Variants in LARGE1 observed in about 807,000 individuals in gnomAD.
LARGE1 encodes xylosyl- and glucuronyltransferase LARGE1.
A neutral mutation model predicts 87.6 loss-of-function variants in LARGE1; 43 were observed. The ratio of observed to expected loss-of-function variants is 0.49; its 90% confidence interval spans 0.38 to 0.63. LARGE1 has a LOEUF of 0.63. Ranked by LOEUF, LARGE1 falls within the 30% of genes least tolerant of loss-of-function variation. LARGE1 has a pLI of 0.00. For missense variants in LARGE1, 802 were observed against 1,000.2 expected (o/e 0.80, Z 2.67); for synonymous variants, 434 against 394.6 (o/e 1.10, Z -1.18).
At chr22:33,322,271 T>C (rs1311568342) in intron 10 of LARGE1, among the ~76,000 whole-genome samples, 1 of 152,206 alleles carries the variant, frequency 6.6e-6, no homozygotes. Flanking sequence ...TTCTGAACCA[T>C]CTGAACCTAG....
chr22:33,653,198 C>T (rs764306138), intron 2 of LARGE1, among the ~76,000 whole-genome samples: 9 of 152,210 alleles, frequency 5.9e-5, no homozygotes, highest in Non-Finnish European at 1.0e-4. Context: ...ATCTGCACCA[C>T]GCTAGGTGGT....
chr22:33,551,300 G>A (rs1205578172), intron 6 of LARGE1, among the ~76,000 whole-genome samples: 1 of 152,198 alleles, frequency 6.6e-6, no homozygotes, highest in South Asian at 2.1e-4. Flanking sequence ...GTGATGAGCA[G>A]GCCACTGTGC....
chr22:33,183,778 C>T (rs751944231), intron 11 of LARGE1, among the ~76,000 whole-genome samples: 3 of 151,910 alleles, frequency 2.0e-5, no homozygotes, highest in Non-Finnish European at 2.9e-5. Context: ...GTATGAAAGA[C>T]GGGTTCTATT....
rs1263731548 is a variant in LARGE1, at chr22:33,272,640, T to G, written c.*1787A>C. Among the ~76,000 whole-genome samples the G allele has an allele frequency of 6.6e-6, 1 of 152,246 alleles. No homozygotes were observed. Among genetic ancestry groups the G allele is most frequent in the South Asian group, 2.1e-4 (1 of 4,832 alleles). On this transcript the variant is annotated 3_prime_UTR_variant, in exon 15 of 15. Transcript: ENST00000397394. ...ACATACATAAGCCTAGCTAGATCTA[T>G]GCAAAAATTAGTCCTAATGGTAATT...
the LARGE1 span, among the ~76,000 whole-genome samples, chr22:33,066,837 G>C: frequency 6.6e-6 from 1 of 152,138 alleles, no homozygotes; most frequent in Non-Finnish European, 1.5e-5. Flanking sequence ...AGAAGCACCT[G>C]GCTGGAAGTT....
chr22:33,314,366 G>C (rs1160027358), intron 11 of LARGE1, among the ~76,000 whole-genome samples: 1 of 152,126 alleles, frequency 6.6e-6, no homozygotes, highest in African/African-American at 2.4e-5. Context: ...GGGACTCACA[G>C]AGCAAGGAAT....
At chr22:33,096,628 G>A in the LARGE1 span, among the ~76,000 whole-genome samples, 2 of 148,650 alleles carry the variant, frequency 1.3e-5, no homozygotes, top group East Asian at 2.0e-4. Flanking sequence ...GCAGTGGCGC[G>A]ATCTCGGCTC....
intron 11 of LARGE1, among the ~76,000 whole-genome samples, chr22:33,260,270 A>G (rs1190316074): frequency 6.6e-6 from 1 of 152,220 alleles, no homozygotes; most frequent in East Asian, 1.9e-4. Flanking sequence ...CCTCTGGGGA[A>G]CGGTGCGTAA....
chr22:33,318,533 C>T (rs1194984633), intron 10 of LARGE1, among the ~76,000 whole-genome samples: 2 of 151,338 alleles, frequency 1.3e-5, no homozygotes, highest in African/African-American at 4.9e-5. Context: ...GGCTTGGTTC[C>T]AAGTCTTTGC....
intron 1 of LARGE1, among the ~76,000 whole-genome samples, chr22:33,808,305 G>A (rs1471756926): frequency 2.0e-5 from 3 of 152,058 alleles, no homozygotes; most frequent in Non-Finnish European, 4.4e-5. Flanking sequence ...TATTTTCTTT[G>A]GGGAGGTATC....
At chr22:33,462,070 G>C (rs1310393502) in intron 6 of LARGE1, among the ~76,000 whole-genome samples, 1 of 152,156 alleles carries the variant, frequency 6.6e-6, no homozygotes, top group Non-Finnish European at 1.5e-5. Flanking sequence ...TATTATTCAT[G>C]AATAGATAAC....
chr22:33,410,817 A>G (rs1418933863), intron 7 of LARGE1, among the ~76,000 whole-genome samples: 1 of 152,126 alleles, frequency 6.6e-6, no homozygotes, highest in Non-Finnish European at 1.5e-5. Flanking sequence ...AAAATCAACG[A>G]ACCTTGCTGA....
At chr22:33,376,282 T>C (rs2064989990) in intron 9 of LARGE1, among the ~76,000 whole-genome samples, 1 of 152,252 alleles carries the variant, frequency 6.6e-6, no homozygotes, top group African/African-American at 2.4e-5. Flanking sequence ...TTTCAAGTTC[T>C]TGTTATTTGC....
At chr22:33,596,655 G>A (rs1159835153) in intron 5 of LARGE1, among the ~76,000 whole-genome samples, 2 of 152,156 alleles carry the variant, frequency 1.3e-5, no homozygotes, top group African/African-American at 4.8e-5. Context: ...ATGACAGGTC[G>A]GCAGTCATTG....
rs566242098 is a variant in LARGE1 at position 33,719,589 on chromosome 22, C to T, written c.106+41782G>A. Among the ~76,000 whole-genome samples the T allele has an allele frequency of 1.1e-4, 16 of 151,920 alleles. No homozygotes were observed. The East Asian group carries it at 1.7e-3, about 17-fold the overall frequency. ...AGGCTGGAGTGTAGTGGCACAGTCT[C>T]GGCTCATTGCAACCTCCGCCTCCCA... is the stretch of plus-strand genomic sequence containing the variant. On this transcript the variant is annotated intron_variant, in intron 2 of 14. Transcript: ENST00000397394.
intron 3 of LARGE1, among the ~76,000 whole-genome samples, chr22:33,629,974 G>A (rs1316128171): frequency 6.6e-6 from 1 of 152,188 alleles, no homozygotes; most frequent in East Asian, 1.9e-4. Flanking sequence ...CGAGGCGGCG[G>A]ATCACCTGAG....
chr22:33,706,614 G>C (rs1246582866), intron 2 of LARGE1, among the ~76,000 whole-genome samples: 1 of 152,202 alleles, frequency 6.6e-6, no homozygotes, highest in East Asian at 1.9e-4. Context: ...GGGGATGGAA[G>C]AGGTTCTAGT....
chr22:33,115,556 G>A, the LARGE1 span, among the ~76,000 whole-genome samples: 3 of 152,106 alleles, frequency 2.0e-5, no homozygotes, highest in Non-Finnish European at 2.9e-5. Flanking sequence ...GGTGGCTCAT[G>A]CCTGTAATCC....
intron 5 of LARGE1, 138 bp downstream of exon 5, chr22:33,604,297 T>G: frequency 8.9e-7 from 1 of 1,124,832 alleles, no homozygotes; most frequent in Non-Finnish European, 1.3e-6. Flanking sequence ...CAGATTCTGC[T>G]GGCAAACAAC....
Sources: gnomAD v4.1 joint callset for allele counts (sites outside exome capture counted in the v4.1 genomes callset) on GRCh38, gnomAD v4.1.1 for gene constraint, MANE v1.5 for transcripts, NCBI Gene and HGNC (gene_info 2026-07-23, HGNC 2026-07-21) for gene names.